OGG1: variants seen among roughly 807,000 people sequenced by gnomAD.
OGG1 encodes the protein N-glycosylase/DNA lyase.
OGG1 carries 35 observed loss-of-function variants against 42.3 expected under a neutral mutation model. That is an observed-to-expected ratio of 0.83 (90% CI 0.63 to 1.10). OGG1 has a LOEUF of 1.10. OGG1 is among the 50% of genes least tolerant of loss of function. The pLI is 0.00. For synonymous variants in OGG1, 189 were observed against 179.0 expected, an observed-to-expected ratio of 1.06 and a Z score of -0.44; for missense variants, 484 against 446.7, an observed-to-expected ratio of 1.08 and a Z score of -0.75.
At chr3:9,763,947 T>C (rs2078015087) in intron 7 of OGG1, among the ~76,000 whole-genome samples, 1 of 151,860 alleles carries the variant, frequency 6.6e-6, no homozygotes, top group African/African-American at 2.4e-5. Flanking sequence ...GATCATGCCA[T>C]TACACTCCAG....
intron 7 of OGG1, chr3:9,763,058 G>T (rs1031784484): frequency 4.3e-6 from 7 of 1,614,162 alleles, no homozygotes; most frequent in African/African-American, 1.3e-5. Flanking sequence ...ACACCCTGCA[G>T]CAGGGGATAG....
At chr3:9,777,532 G>T (rs1575284844) in intron 2 of OGG1, among the ~76,000 whole-genome samples, 1 of 152,096 alleles carries the variant, frequency 6.6e-6, no homozygotes, top group African/African-American at 2.4e-5. Flanking sequence ...CCTTGGAGGT[G>T]CATGGTAAGC....
In OGG1 at chr3:9,750,203, C is replaced by T. The variant is rs886802927; in HGVS notation, c.-84C>T. 1.3e-6 allele frequency: 2 copies of T among 1,531,900 alleles called. No homozygotes were observed. The highest frequency in any genetic ancestry group is 1.8e-6 in the Non-Finnish European group (2 of 1,138,940). The allele number at this position is 1,531,900 out of a possible 1,614,324, so 94.9% of individuals were successfully genotyped here. A position where few individuals can be genotyped will look rare whatever the true frequency, so the allele number is the denominator to read the frequency against. On this transcript the variant is annotated 5_prime_UTR_variant, in exon 1 of 7. Coordinates refer to ENST00000344629, the MANE Select transcript of OGG1 (RefSeq NM_002542.6). ...TGGGCGAGGCCTTAAGGGTCGTGGT[C>T]CTTGTCTGGGCGGGGTCTTTGGGCG...
At position 9,750,367 on chromosome 3, in the gene OGG1, G is replaced by GCTCTGAGC. The variant is rs764095598; in HGVS notation, c.81_82insCTCTGAGC (p.Cys28LeufsTer2). 3.1e-6 allele frequency: 5 copies of GCTCTGAGC among 1,613,998 alleles called. No homozygotes were observed. The highest frequency in any genetic ancestry group is 3.4e-6 in the Non-Finnish European group (4 of 1,180,018). On this transcript the variant is annotated stop_gained and frameshift_variant, in exon 1 of 7. Transcript: ENST00000344629. LOFTEE classifies it high-confidence loss of function. Reference sequence around the variant, plus strand: ...CTCCTGCCCTGTGGGCCTCCATCCCGTGCCCTCGCTCTGAGCTGCGCCTGG... The same window carrying GCTCTGAGC: ...CTCCTGCCCTGTGGGCCTCCATCCCGCTCTGAGCTGCCCTCGCTCTGAGCTGCGCCTGG...
intron 3 of OGG1, chr3:9,787,675 A>AT (rs1468935813): frequency 1.3e-5 from 18 of 1,357,410 alleles, no homozygotes; most frequent in Middle Eastern, 3.9e-4. Flanking sequence ...GTGACAGGGA[A>AT]TTACCTTTTG....
chr3:9,773,141 A>G (rs917650577), intron 2 of OGG1, among the ~76,000 whole-genome samples: 6 of 151,472 alleles, frequency 4.0e-5, no homozygotes, highest in African/African-American at 1.2e-4. Context: ...AGGCAGGAGA[A>G]TTGCTTGAAC....
At chr3:9,777,622 C>T (rs1288612292) in intron 2 of OGG1, among the ~76,000 whole-genome samples, 1 of 152,158 alleles carries the variant, frequency 6.6e-6, no homozygotes, top group Non-Finnish European at 1.5e-5. Flanking sequence ...AGCTAGAGTG[C>T]TCATGACTGA....
chr3:9,789,539 C>A (rs749937041), downstream of OGG1: 20 of 1,614,062 alleles, frequency 1.2e-5, no homozygotes, highest in Non-Finnish European at 1.5e-5. Flanking sequence ...CTTCTGGGGG[C>A]TTCAGTAACT....
At chr3:9,763,466 G>A (rs889503772) in intron 7 of OGG1, among the ~76,000 whole-genome samples, 8 of 146,858 alleles carry the variant, frequency 5.4e-5, no homozygotes, top group East Asian at 2.1e-4. Flanking sequence ...CCCAACCCCC[G>A]ACCACTGCCT....
At chr3:9,760,907 T>G, downstream of OGG1, 1 of 1,261,026 alleles carries the variant, frequency 7.9e-7, no homozygotes. Context: ...CCCTGCCTGC[T>G]CACTCCTGTT....
chr3:9,750,312 G>A lies in OGG1; in HGVS notation c.26G>A (p.Arg9Lys). 1 of 1,613,166 alleles carries A rather than the reference G, an allele frequency of 6.2e-7. No homozygotes were observed. Among genetic ancestry groups the A allele is most frequent in the Non-Finnish European group, 8.5e-7 (1 of 1,179,570 alleles). The change falls in exon 1 of 7, where the codon AGG becomes AAG. Residue 9 changes from arginine (R) to lysine (K), a missense_variant. Arg to Lys is a conservative substitution (Grantham distance 26, BLOSUM62 2). Coordinates refer to ENST00000344629, the MANE Select transcript of OGG1 (RefSeq NM_002542.6). MPARALLPRRMGHRTLAST... is the reference protein window; with the variant it reads MPARALLPKRMGHRTLAST... ...ATGCCTGCCCGCGCGCTTCTGCCCA[G>A]GCGCATGGGGCATCGTACTCTAGCC... is the stretch of plus-strand genomic sequence containing the variant.
downstream of OGG1, among the ~76,000 whole-genome samples, chr3:9,789,340 C>T (rs544780265): frequency 1.3e-5 from 2 of 152,132 alleles, no homozygotes; most frequent in South Asian, 2.1e-4. Context: ...AGGCAGTGCA[C>T]GGAGAAAGCT....
chr3:9,751,134 G>C lies in OGG1; in HGVS notation c.327G>C (p.Leu109=), dbSNP rs114844529. ...AGCTAGATGTTACCCTGGCTCAACT[G>C]TATCACCACTGGGGTTCCGTGGACT... ...YFQLDVTLAQ[L]YHHWGSVDSH... Residue 109 remains leucine (L), a synonymous_variant, in exon 2 of 7, where the codon CTG becomes CTC. Coordinates refer to ENST00000344629, the MANE Select transcript of OGG1 (RefSeq NM_002542.6). 40 of 1,614,078 alleles carry C rather than the reference G, an allele frequency of 2.5e-5. No homozygotes were observed. The highest frequency in any genetic ancestry group is 3.2e-5 in the Non-Finnish European group (38 of 1,180,040).
chr3:9,776,685 G>A (rs796481544), intron 2 of OGG1, among the ~76,000 whole-genome samples: 1 of 152,110 alleles, frequency 6.6e-6, no homozygotes, highest in Non-Finnish European at 1.5e-5. Flanking sequence ...CACCGTGCCC[G>A]GCCTGCAGTC....
rs1245082142 is a variant in OGG1 at position 9,751,075 on chromosome 3, C to G, written c.268C>G (p.Pro90Ala). Residue 90 changes from proline (P) to alanine (A), a missense_variant, in exon 2 of 7, where the codon CCA becomes GCA. Physicochemically the swap from Pro to Ala is conservative, Grantham distance 27. Transcript: ENST00000344629. ...GDKSQASRPTPDELEAVRKYF... is the reference protein window; with the variant it reads ...GDKSQASRPTADELEAVRKYF... Reference sequence around the variant, plus strand: ...CAAGAGCCAGGCTAGCAGGCCCACACCAGACGAGCTGGAGGCCGTGCGCAA... The same window carrying G: ...CAAGAGCCAGGCTAGCAGGCCCACAGCAGACGAGCTGGAGGCCGTGCGCAA... The G allele has an allele frequency of 6.2e-7, 1 of 1,613,994 alleles. No homozygotes were observed. The highest frequency in any genetic ancestry group is 2.2e-5 in the East Asian group (1 of 44,880).
chr3:9,780,705 C>A lies in OGG1; in HGVS notation c.295-808C>A, dbSNP rs1166478295. 2.6e-5 allele frequency among the ~76,000 whole-genome samples: 4 copies of A among 152,244 alleles called. No homozygotes were observed. The East Asian group carries it at 7.7e-4, about 29-fold the overall frequency. On this transcript the variant is annotated intron_variant, in intron 2 of 3. Transcript: ENST00000426518. ...AAAAGCAGTTACTGACCTACACTTA[C>A]ATGGCACTATCTTAAGCTCCTGAAA...
downstream of OGG1, chr3:9,758,024 A>G (rs949283085): frequency 5.8e-6 from 5 of 862,778 alleles, no homozygotes; most frequent in African/African-American, 1.7e-5. Context: ...ATATTTACAC[A>G]CACACACGCA....
At chr3:9,750,922 G>T in intron 1 of OGG1, 23 bp from the exon 2 acceptor site, 1 of 1,613,664 alleles carries the variant, frequency 6.2e-7, no homozygotes, top group Non-Finnish European at 8.5e-7. Context: ...GAGTGCCAGG[G>T]TTGTCATGTG....
At chr3:9,789,902 T>G (rs765063026), downstream of OGG1, 4 of 1,614,162 alleles carry the variant, frequency 2.5e-6, no homozygotes, top group Non-Finnish European at 3.4e-6. Flanking sequence ...TCCAAGTTCA[T>G]GGTCTCGACC....
Sources: allele counts gnomAD v4.1 joint callset (sites outside exome capture counted in the v4.1 genomes callset), GRCh38; gene constraint gnomAD v4.1.1; transcripts MANE v1.5; gene names NCBI Gene and HGNC (gene_info 2026-07-23, HGNC 2026-07-21).